The following ADAM10 variants were observed in gnomAD, a reference collection of about 807,000 sequenced individuals.
The protein encoded by ADAM10 is ADAM metallopeptidase domain 10.
In ADAM10, 17 loss-of-function variants were observed where a neutral mutation model predicts 90.1. That is an observed-to-expected ratio of 0.19 (90% CI 0.13 to 0.28). ADAM10 has a LOEUF of 0.28. ADAM10 is among the 10% of genes least tolerant of loss of function. The probability of loss-of-function intolerance (pLI) is 1.00; values close to 1 mark genes in which losing one functional copy is unlikely to be tolerated. For missense variants in ADAM10, 610 were observed against 914.3 expected (o/e 0.67, Z 4.29); for synonymous variants, 310 against 298.6 (o/e 1.04, Z -0.40).
chr15:58,727,176 CTTTTTTTTTTTTTTT>C (rs779017607), intron 1 of ADAM10, among the ~76,000 whole-genome samples: 4 of 78,008 alleles, frequency 5.1e-5, no homozygotes, highest in African/African-American at 1.6e-4. Flanking sequence ...CCTGACTAAT[CTTTTTTTTTTTTTTT>C]TTTTTTTTTT....
intron 2 of ADAM10, among the ~76,000 whole-genome samples, chr15:58,716,088 A>C (rs569077312): frequency 1.3e-5 from 2 of 152,330 alleles, no homozygotes; most frequent in East Asian, 3.9e-4. Context: ...TTTATAACTT[A>C]AAAGTAATTT....
At chr15:58,602,609 T>C (rs1415396408) in intron 14 of ADAM10, among the ~76,000 whole-genome samples, 1 of 152,088 alleles carries the variant, frequency 6.6e-6, no homozygotes, top group African/African-American at 2.4e-5. Context: ...GATATATACA[T>C]ACGTACATAT....
At chr15:58,633,116 C>T (rs112185312) in intron 9 of ADAM10, 80 bp downstream of exon 9, 21 of 1,351,830 alleles carry the variant, frequency 1.6e-5, no homozygotes, top group Middle Eastern at 1.8e-4. Flanking sequence ...TTTGTTTTCA[C>T]GGTGAATTTT....
chr15:58,671,543 T>C lies in ADAM10; in HGVS notation c.485-6346A>G, dbSNP rs142740207. 2.0e-5 allele frequency among the ~76,000 whole-genome samples: 3 copies of C among 152,312 alleles called. No homozygotes were observed. The East Asian group carries it at 5.8e-4, about 29-fold the overall frequency. On this transcript the variant is annotated intron_variant, in intron 4 of 15. Transcript: ENST00000260408. Reference sequence around the variant, plus strand: ...TACACGCACACATACTCCTAAATGCTATTTCTTCTAGTTTTTCTGTAACTC... The same window carrying C: ...TACACGCACACATACTCCTAAATGCCATTTCTTCTAGTTTTTCTGTAACTC...
intron 5 of ADAM10, among the ~76,000 whole-genome samples, chr15:58,661,028 G>A (rs755812019): frequency 2.1e-4 from 32 of 152,128 alleles, no homozygotes; most frequent in Non-Finnish European, 4.4e-4. Flanking sequence ...TCTTTATCAC[G>A]GCACAGTTTA....
chr15:58,610,490 C>T lies in ADAM10; in HGVS notation c.1832G>A (p.Gly611Glu). The T allele has an allele frequency of 6.2e-7, 1 of 1,614,118 alleles. No homozygotes were observed. The highest frequency in any genetic ancestry group is 8.5e-7 in the Non-Finnish European group (1 of 1,180,020). ...KMDPSTCAST[G>E]SVQWSRHFSG... ...GAAGTGCCTACTCCACTGCACAGAC[C>T]CTGTACTGGCACAAGTTGATGGGTC... The change falls in exon 14 of 16, where the codon GGG (glycine) becomes GAG (glutamate). Residue 611 changes from glycine (G) to glutamate (E), a missense_variant. Physicochemically the swap from Gly to Glu is moderately conservative, Grantham distance 98. Transcript: ENST00000260408.
rs1035173612 is a variant in ADAM10, at chr15:58,662,842, G to A, written c.585+2255C>T. ...CTCTCTCCTCTCAGGTATTGCGCCC[G>A]TAAGTCCAGACACCTCAGTCTTCCT... On this transcript the variant is annotated intron_variant, in intron 5 of 15. Transcript: ENST00000260408. 5.3e-5 allele frequency among the ~76,000 whole-genome samples: 8 copies of A among 152,258 alleles called. No homozygotes were observed. The East Asian group carries it at 5.8e-4, about 11-fold the overall frequency.
intron 14 of ADAM10, among the ~76,000 whole-genome samples, chr15:58,603,607 T>A (rs1445415448): frequency 2.0e-5 from 3 of 152,076 alleles, no homozygotes; most frequent in Non-Finnish European, 4.4e-5. Flanking sequence ...AATATGGCCA[T>A]CAGTGTTATG....
At chr15:58,735,287 G>A (rs1899393077) in intron 1 of ADAM10, among the ~76,000 whole-genome samples, 1 of 152,126 alleles carries the variant, frequency 6.6e-6, no homozygotes, top group African/African-American at 2.4e-5. Flanking sequence ...GACTCTCCCA[G>A]TCCAGGTTCT....
intron 2 of ADAM10, among the ~76,000 whole-genome samples, chr15:58,690,419 CTT>C (rs1385032211): frequency 1.3e-5 from 2 of 152,166 alleles, no homozygotes; most frequent in African/African-American, 4.8e-5. Context: ...AAATAATCCT[CTT>C]TTAGTTGCTA....
chr15:58,692,845 T>A (rs771514436), intron 2 of ADAM10: 1 of 660,780 alleles, frequency 1.5e-6, no homozygotes, highest in Non-Finnish European at 2.9e-6. Context: ...TGCACAAGAC[T>A]GAAAAGCCTC....
At position 58,647,248 on chromosome 15, in the gene ADAM10, ATTTTTTTTT is replaced by A. The variant is rs67378373; in HGVS notation, c.586-1053_586-1045del. 5.6e-3 allele frequency among the ~76,000 whole-genome samples: 333 copies of A among 59,564 alleles called. 3 individuals carry two copies. The highest frequency in any genetic ancestry group is 0.015 in the African/African-American group (276 of 18,606). 39.1% of individuals were successfully genotyped at this position (59,564 alleles called of 152,430 possible). A position where few individuals can be genotyped will look rare whatever the true frequency, so the allele number is the denominator to read the frequency against. On this transcript the variant is annotated intron_variant, in intron 5 of 15. Transcript: ENST00000260408. ...TGGCAGCAAAGAGTAGACACTAAGTATTTTTTTTTTTTTTTTTTTTTTTTTTTTTTGAGA... is the reference window on the plus strand; with the variant it reads ...TGGCAGCAAAGAGTAGACACTAAGTATTTTTTTTTTTTTTTTTTTTTGAGA...
chr15:58,616,646 G>A (rs920319441), intron 11 of ADAM10, among the ~76,000 whole-genome samples: 4 of 150,344 alleles, frequency 2.7e-5, no homozygotes, highest in Non-Finnish European at 6.0e-5. Flanking sequence ...ATATTAAGAC[G>A]GAAGTTTATA....
chr15:58,679,053 T>C (rs1238946159), intron 4 of ADAM10, 71 bp downstream of exon 4: 14 of 1,437,948 alleles, frequency 9.7e-6, no homozygotes, highest in Non-Finnish European at 1.1e-5. Context: ...TAATGCTTCA[T>C]TTGTCTCCAC....
chr15:58,708,263 G>GA (rs1898367360), intron 2 of ADAM10, among the ~76,000 whole-genome samples: 1 of 152,068 alleles, frequency 6.6e-6, no homozygotes, highest in African/African-American at 2.4e-5. Context: ...GTTTAAATCT[G>GA]AAACAGTCTT....
intron 14 of ADAM10, 22 bp downstream of exon 14, chr15:58,610,275 T>G (rs759683651): frequency 6.2e-7 from 1 of 1,606,632 alleles, no homozygotes; most frequent in Admixed American, 1.7e-5. Context: ...AAGTTTTCTT[T>G]GTAAATAAAA....
chr15:58,647,248 A>ATTTTTTTTTTTTTTTGTTTT (rs1896572850), intron 5 of ADAM10, among the ~76,000 whole-genome samples: 1 of 59,602 alleles, frequency 1.7e-5, no homozygotes, highest in Admixed American at 2.1e-4. Flanking sequence ...GACACTAAGT[A>ATTTTTTTTTTTTTTTGTTTT]TTTTTTTTTT....
chr15:58,675,406 G>GT (rs1310173442), intron 4 of ADAM10, among the ~76,000 whole-genome samples: 2 of 152,164 alleles, frequency 1.3e-5, no homozygotes, highest in African/African-American at 2.4e-5. Context: ...CAAAAAAGGT[G>GT]TAAGGGAATT....
At chr15:58,733,237 A>T (rs1899317357) in intron 1 of ADAM10, 1 of 152,234 alleles carries the variant, frequency 6.6e-6, no homozygotes, top group Non-Finnish European at 1.5e-5. Flanking sequence ...TGTCAGCCAG[A>T]AGTTGAACTG....
Sources: allele counts gnomAD v4.1 joint callset (sites outside exome capture counted in the v4.1 genomes callset), GRCh38; gene constraint gnomAD v4.1.1; transcripts MANE v1.5; gene names NCBI Gene and HGNC (gene_info 2026-07-23, HGNC 2026-07-21).